Variants in KAT5 observed in about 807,000 individuals in gnomAD.
KAT5 encodes the protein histone acetyltransferase KAT5.
In KAT5, 31 loss-of-function variants were observed where a neutral mutation model predicts 68.1. That is an observed-to-expected ratio of 0.46 (90% confidence interval 0.34 to 0.61). The LOEUF (loss-of-function observed/expected upper bound fraction) is 0.61. Ranked by LOEUF, KAT5 falls within the 20% of genes least tolerant of loss-of-function variation. KAT5 has a pLI of 0.01. For missense variants in KAT5, 451 were observed against 725.5 expected (o/e 0.62, Z 4.35); for synonymous variants, 365 against 292.6 (o/e 1.25, Z -2.52).
intron 6 of KAT5, 70 bp downstream of exon 6, chr11:65,713,918 T>C (rs1857112842): frequency 7.4e-7 from 1 of 1,351,174 alleles, no homozygotes; most frequent in Non-Finnish European, 1.0e-6. Flanking sequence ...GAGAGTTATT[T>C]AGTGATGAGT....
At chr11:65,718,548 T>C (rs762179959) in intron 10 of KAT5, 42 bp from the exon 11 acceptor site, 9 of 1,593,390 alleles carry the variant, frequency 5.6e-6, no homozygotes, top group Non-Finnish European at 6.9e-6. Flanking sequence ...CTTATGTTCA[T>C]CTGTGACCTC....
At chr11:65,713,536 T>C (rs780037703) in intron 4 of KAT5, 33 bp downstream of exon 4, 1 of 1,614,112 alleles carries the variant, frequency 6.2e-7, no homozygotes, top group Admixed American at 1.7e-5. Context: ...CCTTGCTTTC[T>C]TCTCAGGTCC....
Position 65,718,660 on chromosome 11 carries a change from A to C in KAT5, c.1335A>C (p.Leu445=). The C allele has an allele frequency of 3.7e-6, 6 of 1,614,158 alleles. No individual in the cohort carries two copies. The highest frequency in any genetic ancestry group is 5.1e-6 in the Non-Finnish European group (6 of 1,180,016). The change falls in exon 11 of 13, where the codon CTA becomes CTC. Residue 445 remains leucine, a synonymous_variant. Transcript: ENST00000341318. ...AGCCCCTCTCAGACCTTGGCCTCCT[A>C]TCCTATCGAAGCTACTGGTCCCAGA... is the stretch of plus-strand genomic sequence containing the variant. ...PEKPLSDLGL[L]SYRSYWSQTI... is the part of the protein sequence containing the mutation.
upstream of KAT5, chr11:65,712,197 G>GCCCACAGGGCGCTCGGT (rs1857039780): frequency 2.7e-5 from 37 of 1,366,368 alleles, no homozygotes; most frequent in South Asian, 6.2e-4. Context: ...TGAGGCCCGG[G>GCCCACAGGGCGCTCGGT]CCCACAGGGC....
rs751428495 is a variant in KAT5, at chr11:65,718,716, C to T, written c.1391C>T (p.Ser464Leu). Residue 464 changes from serine to leucine, a missense_variant, in exon 11 of 13, where the codon TCG becomes TTG. Physicochemically the swap from Ser to Leu is moderately radical, Grantham distance 145 (BLOSUM62 -2). This residue lies in a region of KAT5 where 210 missense variants were observed against 423.7 expected (regional missense o/e 0.50). Transcript: ENST00000341318. ...TILEILMGLKSESGERPQITI... is the reference protein window; with the variant it reads ...TILEILMGLKLESGERPQITI... ...CTGGAGATCCTGATGGGGCTGAAGT[C>T]GGAGAGCGGGGAGAGGCCACAGATC... 8 of 1,614,002 alleles carry T rather than the reference C, an allele frequency of 5.0e-6. No individual in the cohort carries two copies. The highest frequency in any genetic ancestry group is 2.2e-5 in the East Asian group (1 of 44,892).
At chr11:65,718,568 C>G in intron 10 of KAT5, 22 bp from the exon 11 acceptor site, 1 of 1,604,490 alleles carries the variant, frequency 6.2e-7, no homozygotes. Context: ...CTTACTCACC[C>G]TCTCCTGCTC....
upstream of KAT5, chr11:65,712,233 C>T (rs1172447464): frequency 1.4e-6 from 2 of 1,399,290 alleles, no homozygotes; most frequent in Non-Finnish European, 1.9e-6. Context: ...TGACGTCTCC[C>T]AGAGGGGCCG....
rs370475272 is a variant in KAT5, at chr11:65,713,770, G to A, written c.616-4G>A. 3.1e-6 allele frequency: 5 copies of A among 1,612,678 alleles called. No individual in the cohort carries two copies. Among genetic ancestry groups the A allele is most frequent in the Non-Finnish European group, 4.2e-6 (5 of 1,179,384 alleles). On this transcript the variant is annotated splice_polypyrimidine_tract_variant and splice_region_variant and intron_variant, in intron 5 of 12. Transcript: ENST00000341318. ...CATCCCTTCTTTTCCTACTATCTCG[G>A]CAGAATGGAGCCGCCCGTAGGGCAG...
intron 8 of KAT5, chr11:65,716,117 A>G (rs554607329): frequency 1.3e-5 from 2 of 152,888 alleles, no homozygotes; most frequent in East Asian, 3.9e-4. Flanking sequence ...GCTGGGGTAA[A>G]CCCTAAGGCA....
chr11:65,713,050 A>G lies in KAT5; in HGVS notation c.376A>G (p.Arg126Gly), dbSNP rs758175491. ...TGGGTCCCGTCCTGGCTCTCCAGAG[A>G]GAGAGGTGGTGAGTAGGTCCCCCAC... Reference protein sequence around the residue: ...LPGSRPGSPEREVPASAQASG... With the variant: ...LPGSRPGSPEGEVPASAQASG... Residue 126 changes from arginine (R) to glycine (G), a missense_variant, in exon 3 of 13, where the codon AGA becomes GGA. Transcript: ENST00000341318. 6 of 1,612,948 alleles carry G rather than the reference A, an allele frequency of 3.7e-6. No homozygotes were observed. The highest frequency in any genetic ancestry group is 3.4e-6 in the Non-Finnish European group (4 of 1,180,010).
chr11:65,715,167 G>A, intron 8 of KAT5: 1 of 498,020 alleles, frequency 2.0e-6, no homozygotes, highest in Non-Finnish European at 3.7e-6. Flanking sequence ...TAGGTTAGCA[G>A]GACCCAAAGG....
Position 65,713,579 on chromosome 11 carries a change from G to T in KAT5, c.541-14G>T. On this transcript the variant is annotated splice_polypyrimidine_tract_variant and intron_variant, in intron 4 of 12. Transcript: ENST00000341318. ...TCTACCTTCTGACCCACCTTTGTTG[G>T]TTTCTCTCTGCAGAAACGGAAGGTG... The T allele has an allele frequency of 6.2e-7, 1 of 1,614,088 alleles. No homozygotes were observed. The highest frequency in any genetic ancestry group is 8.5e-7 in the Non-Finnish European group (1 of 1,180,016).
At chr11:65,715,025 T>C in intron 8 of KAT5, 115 bp downstream of exon 8, 1 of 875,886 alleles carries the variant, frequency 1.1e-6, no homozygotes, top group Non-Finnish European at 1.9e-6. Flanking sequence ...TTTTATTGAG[T>C]TCCTGCTGTC....
Position 65,718,603 on chromosome 11 carries a change from C to T in KAT5, c.1278C>T (p.Ser426=), listed in dbSNP as rs749844512. The T allele has an allele frequency of 1.2e-6, 2 of 1,614,038 alleles. No homozygotes were observed. Among genetic ancestry groups the T allele is most frequent in the Admixed American group, 1.7e-5 (1 of 60,010 alleles). ...KLLIEFSYEL[S]KVEGKTGTPE... ...CCATTGCTTTAGGCTATGAACTCTC[C>T]AAAGTGGAAGGGAAAACAGGGACCC... Residue 426 remains serine (S), a synonymous_variant, in exon 11 of 13, where the codon TCC becomes TCT. Coordinates refer to ENST00000341318, the MANE Select transcript of KAT5 (RefSeq NM_182710.3).
intron 9 of KAT5, 26 bp downstream of exon 9, chr11:65,716,833 G>C (rs1243838949): frequency 6.2e-7 from 1 of 1,614,090 alleles, no homozygotes; most frequent in East Asian, 2.2e-5. Flanking sequence ...AGCTGTCCCT[G>C]TGCCCTGTCC....
intron 10 of KAT5, 108 bp downstream of exon 10, chr11:65,717,090 C>A (rs1048785115): frequency 2.3e-6 from 2 of 865,448 alleles, no homozygotes; most frequent in Non-Finnish European, 1.9e-6. Flanking sequence ...AGCCCAGCCT[C>A]TAGGGGAACC....
At chr11:65,716,580 G>A (rs1027823861) in intron 8 of KAT5, 87 bp from the exon 9 acceptor site, 38 of 1,333,466 alleles carry the variant, frequency 2.8e-5, no homozygotes, top group African/African-American at 5.7e-5. Context: ...GGCATAGCAC[G>A]AACAGTGAAG....
intron 10 of KAT5, chr11:65,717,234 A>C: frequency 2.1e-5 from 12 of 562,386 alleles, no homozygotes; most frequent in East Asian, 6.0e-5. Context: ...CTTTCCCCAA[A>C]TCTGACTTAC....
Position 65,719,086 on chromosome 11 carries a change from G to A in KAT5, c.1546G>A (p.Gly516Ser), listed in dbSNP as rs1857307335. Reference sequence around the variant, plus strand: ...CACACTGTCAGAGGACATCGTGGATGGCCATGAGCGGGCCATGCTCAAGCG... The same window carrying A: ...CACACTGTCAGAGGACATCGTGGATAGCCATGAGCGGGCCATGCTCAAGCG... ...ILTLSEDIVD[G>S]HERAMLKRLL... Residue 516 changes from glycine (G) to serine (S), a missense_variant, in exon 13 of 13, where the codon GGC (glycine) becomes AGC (serine). Physicochemically the swap from Gly to Ser is moderately conservative, Grantham distance 56. This residue lies in a region of KAT5 where 210 missense variants were observed against 423.7 expected (regional missense o/e 0.50). Transcript: ENST00000341318. 5.0e-6 allele frequency: 8 copies of A among 1,614,060 alleles called. No homozygotes were observed. The highest frequency in any genetic ancestry group is 2.7e-5 in the African/African-American group (2 of 74,924).
Sources: gnomAD v4.1 joint callset for allele counts on GRCh38, gnomAD v4.1.1 for gene constraint, gnomAD v4.1.1 regional missense constraint, MANE v1.5 for transcripts, NCBI Gene and HGNC (gene_info 2026-07-23, HGNC 2026-07-21) for gene names.